IL1R1: variants seen among roughly 807,000 people sequenced by gnomAD.
IL1R1 encodes interleukin-1 receptor type 1.
Under a neutral mutation model 50.2 loss-of-function variants are expected in IL1R1, and 22 were observed. That is an observed-to-expected ratio of 0.44 (90% confidence interval 0.31 to 0.63). The LOEUF (loss-of-function observed/expected upper bound fraction) is 0.63, where lower values mean the gene tolerates loss of function less well. Ranked by LOEUF, IL1R1 falls within the 20% of genes least tolerant of loss-of-function variation. IL1R1 has a pLI of 0.07. For synonymous variants in IL1R1, 251 were observed against 236.7 expected (o/e 1.06, Z -0.55); for missense variants, 509 against 676.2 (o/e 0.75, Z 2.74).
chr2:102,133,315 C>T (rs1007737707), intron 1 of IL1R1, among the ~76,000 whole-genome samples: 3 of 151,260 alleles, frequency 2.0e-5, no homozygotes, highest in Admixed American at 6.6e-5. Flanking sequence ...TGAATTCTAC[C>T]AAACATTTAA....
intron 1 of IL1R1, among the ~76,000 whole-genome samples, chr2:102,136,522 G>A (rs967556636): frequency 3.9e-5 from 6 of 151,994 alleles, no homozygotes; most frequent in Admixed American, 2.6e-4. Context: ...GATTACAGGT[G>A]TGCACCACCA....
At chr2:102,100,088 C>T (rs561557170), upstream of IL1R1, among the ~76,000 whole-genome samples, 2 of 152,340 alleles carry the variant, frequency 1.3e-5, no homozygotes, top group Admixed American at 6.5e-5. Context: ...TTCCTGCATT[C>T]AAGGCCTCCA....
chr2:102,175,628 A>T lies in IL1R1; in HGVS notation c.1286A>T (p.Asp429Val). Residue 429 changes from aspartate to valine, a missense_variant, in exon 11 of 12, where the codon GAT (aspartate) becomes GTT (valine). Coordinates refer to ENST00000410023, the MANE Select transcript of IL1R1 (RefSeq NM_000877.4). ...CGYKLFIYGR[D>V]DYVGEDIVEV... is the part of the protein sequence containing the mutation. ...TATAAGCTGTTCATTTATGGAAGGGATGACTACGTTGGGGAAGGTATGTGT... is the reference window on the plus strand; with the variant it reads ...TATAAGCTGTTCATTTATGGAAGGGTTGACTACGTTGGGGAAGGTATGTGT... 6.2e-7 allele frequency: 1 copy of T among 1,614,046 alleles called. No homozygotes were observed. Among genetic ancestry groups the T allele is most frequent in the Non-Finnish European group, 8.5e-7 (1 of 1,179,950 alleles).
intron 1 of IL1R1, among the ~76,000 whole-genome samples, chr2:102,136,202 T>C (rs1268116696): frequency 6.6e-6 from 1 of 151,936 alleles, no homozygotes; most frequent in Non-Finnish European, 1.5e-5. Context: ...TATCCCAGAG[T>C]AGGAACAACT....
At chr2:102,088,119 G>T (rs1464173870) in intron 1 of IL1R1, among the ~76,000 whole-genome samples, 1 of 152,112 alleles carries the variant, frequency 6.6e-6, no homozygotes, top group Non-Finnish European at 1.5e-5. Context: ...TGTTAATGTT[G>T]ATATGTTGAC....
intron 6 of IL1R1, among the ~76,000 whole-genome samples, 186 bp from the exon 7 acceptor site, chr2:102,168,412 T>C (rs1685385112): frequency 1.3e-5 from 2 of 152,228 alleles, no homozygotes; most frequent in South Asian, 4.1e-4. Flanking sequence ...GGATTCACAG[T>C]GTGCTGTGGC....
Position 102,161,684 on chromosome 2 carries a change from A to T in IL1R1, c.62-3090A>T, listed in dbSNP as rs185943568. 3.3e-3 allele frequency among the ~76,000 whole-genome samples: 495 copies of T among 152,062 alleles called. 3 individuals are homozygous for T. Among genetic ancestry groups the T allele is most frequent in the African/African-American group, 0.011 (451 of 41,514 alleles). On this transcript the variant is annotated intron_variant, in intron 3 of 11. Transcript: ENST00000410023. ...TGATTAATGACTTCTTTATTTTTTT[A>T]AAATTTATTTATTTATTTATTCATT...
At chr2:102,174,167 G>C (rs1477595571) in intron 9 of IL1R1, among the ~76,000 whole-genome samples, 3 of 152,060 alleles carry the variant, frequency 2.0e-5, no homozygotes, top group Admixed American at 1.3e-4. Flanking sequence ...AAGGAGGCCA[G>C]GAGAATGTGG....
rs1686328958 is a variant in IL1R1, at chr2:102,178,534, G to A, written c.*1775G>A. On this transcript the variant is annotated 3_prime_UTR_variant, in exon 12 of 12. Transcript: ENST00000410023. ...CCTAGGACTTGAGCCTCCATTTCTG[G>A]CTTCTAGTCTGGTGTTCTGAGTACT... The A allele has an allele frequency of 1.3e-5, 2 of 152,034 alleles. No homozygotes were observed. Among genetic ancestry groups the A allele is most frequent in the South Asian group, 2.1e-4 (1 of 4,812 alleles). The allele number at this position is 152,034 out of a possible 1,614,324, so 9.4% of individuals were successfully genotyped here.
intron 3 of IL1R1, among the ~76,000 whole-genome samples, chr2:102,161,863 C>G (rs1011149184): frequency 1.2e-4 from 18 of 151,826 alleles, no homozygotes; most frequent in Admixed American, 3.3e-4. Context: ...CCACACCTGG[C>G]TGATTTTTTT....
intron 1 of IL1R1, among the ~76,000 whole-genome samples, chr2:102,095,343 A>T (rs889186420): frequency 6.6e-6 from 1 of 152,230 alleles, no homozygotes; most frequent in African/African-American, 2.4e-5. Context: ...AAAAACTTCC[A>T]CTTGCTTATA....
intron 6 of IL1R1, 33 bp from the exon 7 acceptor site, chr2:102,168,565 G>T (rs199921919): frequency 7.7e-6 from 12 of 1,563,398 alleles, no homozygotes; most frequent in Non-Finnish European, 9.7e-6. Context: ...ATCTATAAGA[G>T]ACTGACAAAC....
chr2:102,103,665 A>G (rs1454770418), upstream of IL1R1, among the ~76,000 whole-genome samples: 1 of 152,066 alleles, frequency 6.6e-6, no homozygotes, highest in African/African-American at 2.4e-5. Context: ...GAGAATGTTC[A>G]TCGGAGTGCA....
At chr2:102,105,296 A>G (rs1019787671) in intron 1 of IL1R1, among the ~76,000 whole-genome samples, 1 of 151,876 alleles carries the variant, frequency 6.6e-6, no homozygotes, top group South Asian at 2.1e-4. Context: ...ATCACTTCCC[A>G]TTAAGCTTCT....
At chr2:102,170,162 C>A (rs1030051506) in intron 7 of IL1R1, among the ~76,000 whole-genome samples, 20 of 152,330 alleles carry the variant, frequency 1.3e-4, no homozygotes, top group Middle Eastern at 3.4e-3. Context: ...ATATAGTACC[C>A]TGTCATAGGA....
intron 1 of IL1R1, among the ~76,000 whole-genome samples, chr2:102,105,456 C>A (rs1361876743): frequency 6.6e-6 from 1 of 152,150 alleles, no homozygotes. Flanking sequence ...CCTCCGCCTC[C>A]CAGGTTCAAG....
intron 1 of IL1R1, among the ~76,000 whole-genome samples, chr2:102,090,766 G>T (rs923516916): frequency 2.6e-5 from 4 of 151,840 alleles, no homozygotes; most frequent in African/African-American, 9.7e-5. Context: ...GTCTTAGTTT[G>T]CTAACTATAA....
intron 2 of IL1R1, among the ~76,000 whole-genome samples, chr2:102,155,578 C>T (rs1684107192): frequency 6.6e-6 from 1 of 152,178 alleles, no homozygotes; most frequent in Non-Finnish European, 1.5e-5. Context: ...ACCCTTAACG[C>T]CCATCCCAAG....
intron 1 of IL1R1, among the ~76,000 whole-genome samples, chr2:102,151,846 G>A (rs920509766): frequency 2.6e-5 from 4 of 152,222 alleles, no homozygotes; most frequent in Non-Finnish European, 4.4e-5. Flanking sequence ...TGCCATAGAG[G>A]TGCATGGAGG....
Sources: gnomAD v4.1 joint callset for allele counts (sites outside exome capture counted in the v4.1 genomes callset) on GRCh38, gnomAD v4.1.1 for gene constraint, MANE v1.5 for transcripts, NCBI Gene and HGNC (gene_info 2026-07-23, HGNC 2026-07-21) for gene names.